The following SH3KBP1 variants were observed in gnomAD, a reference collection of about 807,000 sequenced individuals.
SH3KBP1 encodes SH3 domain containing kinase binding protein 1.
Under a neutral mutation model 50.1 loss-of-function variants are expected in SH3KBP1, and 8 were observed. The observed-to-expected ratio is 0.16, with a 90% CI of 0.09 to 0.29. The LOEUF (loss-of-function observed/expected upper bound fraction) is 0.29. SH3KBP1 is among the 10% of genes least tolerant of loss of function. SH3KBP1 has a pLI of 1.00. For missense variants in SH3KBP1, 377 were observed against 535.2 expected, an observed-to-expected ratio of 0.70 and a Z score of 2.92; for synonymous variants, 227 against 218.6, an observed-to-expected ratio of 1.04 and a Z score of -0.34.
intron 6 of SH3KBP1, among the ~76,000 whole-genome samples, chrX:19,657,752 A>AATG (rs757623715): frequency 1.9e-3 from 212 of 109,386 alleles, no homozygotes; most frequent in Non-Finnish European, 3.4e-3. Context: ...TAATAATAAT[A>AATG]ATAGAAATTC....
At chrX:19,622,821 T>C (rs1268192815) in intron 8 of SH3KBP1, among the ~76,000 whole-genome samples, 1 of 111,642 alleles carries the variant, frequency 9.0e-6, no homozygotes, top group Non-Finnish European at 1.9e-5. Flanking sequence ...GGCAGGCGGA[T>C]CACTTGAGGT....
chrX:19,587,976 C>T (rs1262728512), intron 12 of SH3KBP1, among the ~76,000 whole-genome samples: 1 of 112,568 alleles, frequency 8.9e-6, no homozygotes, highest in African/African-American at 3.2e-5. Context: ...CAGTTCCTTG[C>T]TCTGTGGTAG....
chrX:19,635,817 G>A (rs1331214757), intron 7 of SH3KBP1, among the ~76,000 whole-genome samples: 1 of 111,131 alleles, frequency 9.0e-6, no homozygotes, highest in African/African-American at 3.3e-5. Context: ...TTGGAGAAAA[G>A]CAAGGGGAGG....
At chrX:19,804,101 G>A (rs775600649) in intron 2 of SH3KBP1, among the ~76,000 whole-genome samples, 1 of 112,132 alleles carries the variant, frequency 8.9e-6, no homozygotes, top group Admixed American at 9.4e-5. Context: ...GAACTCGGGA[G>A]GCAGAGGTTG....
At chrX:19,593,642 C>A (rs892025001) in intron 10 of SH3KBP1, among the ~76,000 whole-genome samples, 2 of 110,586 alleles carry the variant, frequency 1.8e-5, no homozygotes, top group African/African-American at 6.6e-5. Context: ...ATGCTACAAT[C>A]TACTCACCTA....
At chrX:19,753,917 G>A (rs781166990) in intron 2 of SH3KBP1, among the ~76,000 whole-genome samples, 194 of 112,128 alleles carry the variant, frequency 1.7e-3, no homozygotes, top group Non-Finnish European at 2.7e-3. Flanking sequence ...GCAGAACCAC[G>A]TTGATGTCTC....
chrX:19,669,424 C>G (rs1440905112), intron 6 of SH3KBP1, among the ~76,000 whole-genome samples: 1 of 109,661 alleles, frequency 9.1e-6, no homozygotes, highest in Non-Finnish European at 1.9e-5. Flanking sequence ...GGAGCACTTA[C>G]CAGTGCAACA....
intron 2 of SH3KBP1, among the ~76,000 whole-genome samples, chrX:19,834,568 T>G (rs1376545903): frequency 8.9e-6 from 1 of 112,461 alleles, no homozygotes; most frequent in Non-Finnish European, 1.9e-5. Context: ...AAAGTACTAC[T>G]TACAACTGTG....
At chrX:19,577,775 G>A (rs2066247036) in intron 12 of SH3KBP1, among the ~76,000 whole-genome samples, 1 of 111,000 alleles carries the variant, frequency 9.0e-6, no homozygotes, top group Admixed American at 9.6e-5. Flanking sequence ...CAAACCTTTT[G>A]GAGGTGAGCA....
intron 3 of SH3KBP1, among the ~76,000 whole-genome samples, chrX:19,738,679 T>C (rs1165188764): frequency 2.2e-5 from 2 of 92,951 alleles, no homozygotes; most frequent in Non-Finnish European, 4.2e-5. Flanking sequence ...TACTTAAGGA[T>C]TCATGTCAGC....
chrX:19,692,624 C>T lies in SH3KBP1; in HGVS notation c.520+2988G>A, dbSNP rs1481926117. 3.1e-4 allele frequency among the ~76,000 whole-genome samples: 21 copies of T among 68,654 alleles called. No individual in the cohort carries two copies. The South Asian group carries it at 3.2e-3, about 10-fold the overall frequency. 59.6% of individuals were successfully genotyped at this position (68,654 alleles called of 115,157 possible). The stretch of plus-strand genomic sequence containing the variant: ...ATATACATATACACATATATACATA[C>T]GTGTGTGTGTGTGTGTGTGTGTGTG... On this transcript the variant is annotated intron_variant, in intron 5 of 17. Coordinates refer to ENST00000397821, the MANE Select transcript of SH3KBP1 (RefSeq NM_031892.3).
intron 3 of SH3KBP1, among the ~76,000 whole-genome samples, chrX:19,716,402 A>T (rs973611635): frequency 4.5e-5 from 5 of 112,052 alleles, no homozygotes; most frequent in Non-Finnish European, 9.4e-5. Flanking sequence ...TTTCACAGGG[A>T]TGTGTATAAT....
chrX:19,865,323 T>G (rs1361447878), intron 1 of SH3KBP1, among the ~76,000 whole-genome samples: 1 of 112,253 alleles, frequency 8.9e-6, no homozygotes, highest in Non-Finnish European at 1.9e-5. Context: ...GTTGTTTGGC[T>G]GGTGCCATAA....
rs923152949 is a variant in SH3KBP1 at position 19,546,673 on chromosome X, G to A, written c.1495-623C>T. Among the ~76,000 whole-genome samples the A allele has an allele frequency of 2.7e-5, 3 of 112,306 alleles. No homozygotes were observed. The South Asian group carries it at 1.1e-3, about 41-fold the overall frequency. On this transcript the variant is annotated intron_variant, in intron 14 of 17. Coordinates refer to ENST00000397821, the MANE Select transcript of SH3KBP1 (RefSeq NM_031892.3). The stretch of plus-strand genomic sequence containing the variant: ...TGAGAGCACAGCCCTGCTCGCTAGT[G>A]CAACAAGCTCATATCTCCTTTGGTA...
chrX:19,565,945 A>T (rs1175219930), intron 13 of SH3KBP1, among the ~76,000 whole-genome samples: 6 of 103,175 alleles, frequency 5.8e-5, no homozygotes, highest in Admixed American at 3.1e-4. Context: ...TTTTTTTAAG[A>T]TGGAGTTTTG....
intron 6 of SH3KBP1, among the ~76,000 whole-genome samples, chrX:19,672,418 CCTGA>C (rs2062820495): frequency 8.9e-6 from 1 of 111,737 alleles, no homozygotes; most frequent in African/African-American, 3.3e-5. Context: ...AGCGGAGAAA[CCTGA>C]CTAACACCTA....
At chrX:19,749,286 G>A (rs1319412455) in intron 2 of SH3KBP1, among the ~76,000 whole-genome samples, 2 of 112,192 alleles carry the variant, frequency 1.8e-5, no homozygotes, top group African/African-American at 6.5e-5. Context: ...TCCACTTCTA[G>A]GTATATACTC....
At chrX:19,580,780 G>T (rs914559195) in intron 12 of SH3KBP1, among the ~76,000 whole-genome samples, 2 of 110,453 alleles carry the variant, frequency 1.8e-5, no homozygotes, top group African/African-American at 6.6e-5. Context: ...TACCCTTTTG[G>T]ATGGCTCCTA....
At chrX:19,639,907 C>CTTTT (rs377700054) in intron 7 of SH3KBP1, among the ~76,000 whole-genome samples, 1 of 83,166 alleles carries the variant, frequency 1.2e-5, no homozygotes, top group Non-Finnish European at 2.4e-5. Context: ...AGAGTTGACT[C>CTTTT]TTTTTTTTTT....
Sources: allele counts gnomAD v4.1 joint callset (sites outside exome capture counted in the v4.1 genomes callset), GRCh38; gene constraint gnomAD v4.1.1; transcripts MANE v1.5; gene names NCBI Gene and HGNC (gene_info 2026-07-23, HGNC 2026-07-21).